Variants in DPYD observed in about 807,000 individuals in gnomAD.
DPYD encodes dihydropyrimidine dehydrogenase, also known as dihydropyrimidine dehydrogenase [NADP(+)].
In DPYD, 109 loss-of-function variants were observed where a neutral mutation model predicts 116.2. The observed-to-expected ratio is 0.94, with a 90% confidence interval of 0.80 to 1.10. The LOEUF is 1.10. Among genes scored for constraint, DPYD ranks in the 50% least tolerant of loss-of-function variants. The pLI is 0.00. For missense variants in DPYD, 1,302 were observed against 1,254.5 expected (o/e 1.04, Z -0.57); for synonymous variants, 440 against 432.0 (o/e 1.02, Z -0.23).
At chr1:97,876,888 C>T (rs920487918) in intron 2 of DPYD, among the ~76,000 whole-genome samples, 3 of 151,918 alleles carry the variant, frequency 2.0e-5, no homozygotes, top group East Asian at 1.9e-4. Context: ...TCCTCCACTC[C>T]CATCCTTCCC....
intron 3 of DPYD, among the ~76,000 whole-genome samples, chr1:97,798,386 C>T (rs1361020796): frequency 6.6e-6 from 1 of 151,908 alleles, no homozygotes; most frequent in African/African-American, 2.4e-5. Context: ...TTCCCTGTGA[C>T]AATCAAGCAA....
At chr1:97,512,877 C>T (rs962208936) in intron 13 of DPYD, among the ~76,000 whole-genome samples, 49 of 151,600 alleles carry the variant, frequency 3.2e-4, no homozygotes, top group African/African-American at 1.2e-3. Flanking sequence ...AGAAAAGCAA[C>T]CTTGTTATTT....
At chr1:97,249,667 T>C (rs1159362700) in intron 18 of DPYD, among the ~76,000 whole-genome samples, 1 of 151,856 alleles carries the variant, frequency 6.6e-6, no homozygotes, top group Non-Finnish European at 1.5e-5. Flanking sequence ...AGCCAAAGTC[T>C]AGAAAAAAAT....
At chr1:97,496,642 T>A (rs939130109) in intron 13 of DPYD, among the ~76,000 whole-genome samples, 1 of 152,056 alleles carries the variant, frequency 6.6e-6, no homozygotes, top group African/African-American at 2.4e-5. Flanking sequence ...TCATCTATAA[T>A]GTATTCTCTA....
intron 2 of DPYD, among the ~76,000 whole-genome samples, chr1:97,871,502 C>T (rs752542764): frequency 6.6e-5 from 10 of 151,066 alleles, no homozygotes; most frequent in Admixed American, 2.6e-4. Flanking sequence ...GAATTCCCCA[C>T]GACAATACAA....
At chr1:97,235,018 T>A in intron 18 of DPYD, 24 bp from the exon 19 acceptor site, 1 of 1,614,030 alleles carries the variant, frequency 6.2e-7, no homozygotes, top group Non-Finnish European at 8.5e-7. Flanking sequence ...GAATAATCAA[T>A]GGTTAGCACA....
At chr1:97,407,754 C>T (rs1216275605) in intron 14 of DPYD, among the ~76,000 whole-genome samples, 1 of 152,140 alleles carries the variant, frequency 6.6e-6, no homozygotes, top group Non-Finnish European at 1.5e-5. Context: ...TGACACCACT[C>T]ACCATCACCC....
At chr1:97,207,122 T>C (rs1333557861) in intron 19 of DPYD, among the ~76,000 whole-genome samples, 1 of 152,096 alleles carries the variant, frequency 6.6e-6, no homozygotes, top group East Asian at 1.9e-4. Context: ...ACTTATTCAA[T>C]GGATGAATAC....
chr1:97,619,668 T>C (rs1557841439), intron 8 of DPYD, among the ~76,000 whole-genome samples: 1 of 152,214 alleles, frequency 6.6e-6, no homozygotes, highest in Non-Finnish European at 1.5e-5. Context: ...ATGCTTCTTA[T>C]AACTTTGAAA....
intron 11 of DPYD, among the ~76,000 whole-genome samples, chr1:97,554,384 A>G (rs922820351): frequency 7.9e-5 from 12 of 152,194 alleles, no homozygotes; most frequent in African/African-American, 2.9e-4. Context: ...AAGAAGGATT[A>G]TTAGTATTCT....
chr1:97,829,845 C>T (rs1231108829), intron 2 of DPYD, among the ~76,000 whole-genome samples: 1 of 151,750 alleles, frequency 6.6e-6, no homozygotes, highest in East Asian at 1.9e-4. Flanking sequence ...GCTTGCTGCA[C>T]CCGTCAGCTC....
At chr1:97,343,386 C>T (rs1328332901) in intron 16 of DPYD, among the ~76,000 whole-genome samples, 1 of 151,946 alleles carries the variant, frequency 6.6e-6, no homozygotes, top group East Asian at 1.9e-4. Context: ...TCTCTGGTCC[C>T]TAGGTTGCAT....
At chr1:97,221,603 G>A (rs1254166279) in intron 19 of DPYD, among the ~76,000 whole-genome samples, 2 of 151,970 alleles carry the variant, frequency 1.3e-5, no homozygotes. Context: ...AGGTTTTCTA[G>A]ATCTCTAACT....
At chr1:97,714,358 G>C (rs1487249682) in intron 5 of DPYD, among the ~76,000 whole-genome samples, 1 of 151,870 alleles carries the variant, frequency 6.6e-6, no homozygotes, top group Non-Finnish European at 1.5e-5. Flanking sequence ...GACTAAAGGT[G>C]CACACCACCA....
chr1:97,889,929 A>G (rs1280273422), intron 1 of DPYD, among the ~76,000 whole-genome samples: 1 of 152,026 alleles, frequency 6.6e-6, no homozygotes, highest in Non-Finnish European at 1.5e-5. Context: ...ATAGAATTAG[A>G]TATCAATAAC....
intron 19 of DPYD, among the ~76,000 whole-genome samples, chr1:97,218,160 G>A (rs1660539866): frequency 6.6e-6 from 1 of 152,076 alleles, no homozygotes; most frequent in South Asian, 2.1e-4. Flanking sequence ...AGCTTAGGAT[G>A]AACTGAGATT....
chr1:97,575,087 T>C (rs1653179237), intron 10 of DPYD, among the ~76,000 whole-genome samples: 2 of 152,120 alleles, frequency 1.3e-5, no homozygotes, highest in Admixed American at 1.3e-4. Flanking sequence ...GCAGGCCCAT[T>C]TTCAGAGTTT....
rs1672321318 is a variant in DPYD, at chr1:97,883,321, A to G, written c.93T>C (p.Thr31=). The G allele has an allele frequency of 3.1e-6, 5 of 1,613,074 alleles. No homozygotes were observed. Among genetic ancestry groups the G allele is most frequent in the Middle Eastern group, 1.7e-4 (1 of 6,056 alleles). The part of the protein sequence containing the change: ...RTQTHATLCS[T]SAKKLDKKHW... ...GTTTCTTGTCTAATTTCTTGGCCGA[A>G]GTGGAACACAGAGTTGCATGAGTTT... The change falls in exon 2 of 23, where the codon ACT becomes ACC. Residue 31 remains threonine (T), a synonymous_variant. Transcript: ENST00000370192.
At chr1:97,887,371 G>A (rs1672549259) in intron 1 of DPYD, among the ~76,000 whole-genome samples, 2 of 149,994 alleles carry the variant, frequency 1.3e-5, no homozygotes, top group Non-Finnish European at 3.0e-5. Context: ...TCAGAAGGCT[G>A]AAGCAGGAGG....
Sources: allele counts gnomAD v4.1 joint callset (sites outside exome capture counted in the v4.1 genomes callset), GRCh38; gene constraint gnomAD v4.1.1; transcripts MANE v1.5; gene names NCBI Gene and HGNC (gene_info 2026-07-23, HGNC 2026-07-21).